The following CNTN4 variants were observed in gnomAD, a reference collection of about 807,000 sequenced individuals.
CNTN4 encodes the protein contactin-4.
A neutral mutation model predicts 122.5 loss-of-function variants in CNTN4; 77 were observed. The observed-to-expected ratio is 0.63, with a 90% CI of 0.52 to 0.76. The LOEUF (loss-of-function observed/expected upper bound fraction) is 0.76, where lower values mean the gene tolerates loss of function less well. CNTN4 is among the 30% of genes least tolerant of loss of function. The pLI is 0.00. For missense variants in CNTN4, 1,256 were observed against 1,259.1 expected, an observed-to-expected ratio of 1.00 and a Z score of 0.04; for synonymous variants, 512 against 447.0, an observed-to-expected ratio of 1.15 and a Z score of -1.83.
intron 7 of CNTN4, among the ~76,000 whole-genome samples, chr3:2,852,517 C>A (rs574414378): frequency 1.3e-5 from 2 of 152,232 alleles, no homozygotes; most frequent in Admixed American, 6.5e-5. Flanking sequence ...TAAACATTAA[C>A]ATTTATTGAG....
chr3:2,654,930 A>C (rs970259286), intron 4 of CNTN4, among the ~76,000 whole-genome samples: 5 of 152,166 alleles, frequency 3.3e-5, no homozygotes, highest in African/African-American at 9.7e-5. Context: ...GACATCTTAC[A>C]TGCAGCCAAA....
chr3:2,360,327 A>C (rs1283409382), intron 3 of CNTN4, among the ~76,000 whole-genome samples: 1 of 152,144 alleles, frequency 6.6e-6, no homozygotes, highest in East Asian at 1.9e-4. Context: ...TCAGTTTAAA[A>C]ATGTTTCTGG....
chr3:2,250,669 G>A (rs1160680600), intron 2 of CNTN4, among the ~76,000 whole-genome samples: 2 of 151,768 alleles, frequency 1.3e-5, no homozygotes, highest in African/African-American at 4.8e-5. Context: ...TGCTCATGAA[G>A]GAATTTGCAT....
Position 2,125,330 on chromosome 3 carries a change from CTGTGTG to C in CNTN4, c.-145+24721_-145+24726del, listed in dbSNP as rs397721422. On this transcript the variant is annotated intron_variant, in intron 2 of 24. Transcript: ENST00000418658. ...TCAAGGCTGAGTAACATTCTATTCTCTGTGTGTGTGTGTGTGTGTGTGTGTGTGTGT... is the reference window on the plus strand; with the variant it reads ...TCAAGGCTGAGTAACATTCTATTCTCTGTGTGTGTGTGTGTGTGTGTGTGT... Among the ~76,000 whole-genome samples, 1,069 of 143,444 alleles carry C rather than the reference CTGTGTG, an allele frequency of 7.5e-3. 2 individuals are homozygous for C. Among genetic ancestry groups the C allele is most frequent in the African/African-American group, 0.014 (545 of 38,500 alleles). 94.1% of individuals were successfully genotyped at this position (143,444 alleles called of 152,430 possible). A position where few individuals can be genotyped will look rare whatever the true frequency, so the allele number is the denominator to read the frequency against.
chr3:2,928,058 C>T (rs1484793166), intron 13 of CNTN4, among the ~76,000 whole-genome samples: 1 of 152,182 alleles, frequency 6.6e-6, no homozygotes, highest in East Asian at 1.9e-4. Flanking sequence ...TTGCCCCATC[C>T]AAGGGAGACA....
At position 2,327,666 on chromosome 3, in the gene CNTN4, A is replaced by G. The variant is rs73807723; in HGVS notation, c.-144-11512A>G. Among the ~76,000 whole-genome samples, 1,000 of 152,312 alleles carry G rather than the reference A, an allele frequency of 6.6e-3. 4 individuals are homozygous for G. The highest frequency in any genetic ancestry group is 0.023 in the African/African-American group (948 of 41,564). On this transcript the variant is annotated intron_variant, in intron 2 of 24. Transcript: ENST00000418658. Reference sequence around the variant, plus strand: ...CATAAATAGTGATACATATATATGGAAAAGGACACACATTCTTTAGTGCAG... The same window carrying G: ...CATAAATAGTGATACATATATATGGGAAAGGACACACATTCTTTAGTGCAG...
chr3:2,463,139 A>G (rs771666968), intron 3 of CNTN4, among the ~76,000 whole-genome samples: 6 of 152,190 alleles, frequency 3.9e-5, no homozygotes, highest in Non-Finnish European at 5.9e-5. Context: ...GTCCAAATAC[A>G]AATGTGAAAA....
chr3:2,266,663 A>C (rs78994464), intron 2 of CNTN4, among the ~76,000 whole-genome samples: 184 of 152,192 alleles, frequency 1.2e-3, no homozygotes, highest in African/African-American at 4.3e-3. Flanking sequence ...CCTGCCATTG[A>C]AGAATTTATA....
At chr3:2,120,351 T>TTATATATATAAATATATAAA (rs2033639685) in intron 2 of CNTN4, among the ~76,000 whole-genome samples, 1 of 45,980 alleles carries the variant, frequency 2.2e-5, no homozygotes, top group African/African-American at 6.7e-5. Flanking sequence ...GGCATTTAGG[T>TTATATATATAAATATATAAA]TATATATATA....
intron 5 of CNTN4, among the ~76,000 whole-genome samples, chr3:2,739,479 T>C (rs1332716189): frequency 6.6e-6 from 1 of 152,164 alleles, no homozygotes; most frequent in East Asian, 1.9e-4. Flanking sequence ...AACAAATGGG[T>C]AGATCTCAAG....
At chr3:2,579,763 A>G (rs2079853536) in intron 4 of CNTN4, among the ~76,000 whole-genome samples, 1 of 152,184 alleles carries the variant, frequency 6.6e-6, no homozygotes, top group Non-Finnish European at 1.5e-5. Flanking sequence ...ATATATGTTA[A>G]ATGTTAAATA....
intron 2 of CNTN4, among the ~76,000 whole-genome samples, chr3:2,169,552 G>GT (rs1553588505): frequency 4.0e-5 from 6 of 151,072 alleles, no homozygotes; most frequent in Admixed American, 1.3e-4. Context: ...GACTACAGGC[G>GT]CCGCCACCAC....
At chr3:2,223,880 C>T (rs2039159754) in intron 2 of CNTN4, among the ~76,000 whole-genome samples, 1 of 152,046 alleles carries the variant, frequency 6.6e-6, no homozygotes, top group African/African-American at 2.4e-5. Context: ...GGTCCCACAA[C>T]TTGAAGAAGG....
intron 2 of CNTN4, among the ~76,000 whole-genome samples, chr3:2,296,267 G>T (rs952819365): frequency 6.6e-6 from 1 of 152,078 alleles, no homozygotes; most frequent in East Asian, 1.9e-4. Flanking sequence ...ATTACCTTGG[G>T]CAGTATGGCC....
At chr3:2,520,961 C>G (rs1038921129) in intron 3 of CNTN4, among the ~76,000 whole-genome samples, 4 of 152,060 alleles carry the variant, frequency 2.6e-5, no homozygotes, top group Non-Finnish European at 4.4e-5. Flanking sequence ...TATGAACAAA[C>G]AAACAAAATT....
chr3:2,302,542 T>C (rs1288723754), intron 2 of CNTN4, among the ~76,000 whole-genome samples: 1 of 152,228 alleles, frequency 6.6e-6, no homozygotes, highest in Non-Finnish European at 1.5e-5. Flanking sequence ...ATATATTAAC[T>C]AAAGTCGTTG....
At chr3:2,840,608 A>G (rs1467747327) in intron 7 of CNTN4, among the ~76,000 whole-genome samples, 1 of 121,472 alleles carries the variant, frequency 8.2e-6, no homozygotes, top group Non-Finnish European at 1.8e-5. Flanking sequence ...CTGAGGCGGG[A>G]GAATGGCGGG....
intron 13 of CNTN4, among the ~76,000 whole-genome samples, chr3:2,966,584 AC>A (rs1692333036): frequency 6.6e-6 from 1 of 152,226 alleles, no homozygotes; most frequent in South Asian, 2.1e-4. Flanking sequence ...ACTATAATCA[AC>A]AATAATTTAT....
At chr3:2,664,767 C>T (rs188093675) in intron 4 of CNTN4, among the ~76,000 whole-genome samples, 2 of 152,152 alleles carry the variant, frequency 1.3e-5, no homozygotes, top group Non-Finnish European at 1.5e-5. Flanking sequence ...AGGTCAGGTT[C>T]GTGTTATTCA....
Sources: gnomAD v4.1 joint callset for allele counts (sites outside exome capture counted in the v4.1 genomes callset) on GRCh38, gnomAD v4.1.1 for gene constraint, MANE v1.5 for transcripts, NCBI Gene and HGNC (gene_info 2026-07-23, HGNC 2026-07-21) for gene names.